Variants in SLAMF6 observed in about 807,000 individuals in gnomAD.
SLAMF6 encodes SLAM family member 6, also known as NK-T-B-antigen.
In SLAMF6, 21 loss-of-function variants were observed where a neutral mutation model predicts 38.3. That is an observed-to-expected ratio of 0.55 (90% CI 0.39 to 0.79). The LOEUF (loss-of-function observed/expected upper bound fraction) is 0.79. SLAMF6 is among the 30% of genes least tolerant of loss of function. The probability of loss-of-function intolerance (pLI) is 0.00; values close to 1 mark genes in which losing one functional copy is unlikely to be tolerated. For synonymous variants in SLAMF6, 152 were observed against 146.3 expected (o/e 1.04, Z -0.28); for missense variants, 341 against 385.3 (o/e 0.89, Z 0.96).
At chr1:160,492,087 T>G (rs75450773) in intron 2 of SLAMF6, among the ~76,000 whole-genome samples, 181 of 152,264 alleles carry the variant, frequency 1.2e-3, no homozygotes, top group African/African-American at 4.2e-3. Flanking sequence ...GCATGTGAGA[T>G]GACATGTGAT....
intron 1 of SLAMF6, among the ~76,000 whole-genome samples, chr1:160,514,502 G>A (rs1654644942): frequency 6.6e-6 from 1 of 152,118 alleles, no homozygotes; most frequent in South Asian, 2.1e-4. Flanking sequence ...AGATCAAGTG[G>A]ACCTGATAGA....
At chr1:160,487,011 T>TA in intron 7 of SLAMF6, 93 bp downstream of exon 7, 5 of 1,191,972 alleles carry the variant, frequency 4.2e-6, no homozygotes, top group Non-Finnish European at 6.1e-6. Flanking sequence ...TGTGCATCTG[T>TA]AAAATGACCC....
chr1:160,507,889 G>T (rs1654271082), intron 1 of SLAMF6, among the ~76,000 whole-genome samples: 1 of 152,040 alleles, frequency 6.6e-6, no homozygotes, highest in Non-Finnish European at 1.5e-5. Flanking sequence ...CAAAAGTAGT[G>T]CTCAGAGGGA....
At chr1:160,511,013 G>A (rs1195395026) in intron 1 of SLAMF6, among the ~76,000 whole-genome samples, 2 of 151,992 alleles carry the variant, frequency 1.3e-5, no homozygotes, top group Non-Finnish European at 2.9e-5. Context: ...AAAATACCTG[G>A]CAATAATTTA....
chr1:160,498,906 G>T (rs1403217121), intron 1 of SLAMF6, among the ~76,000 whole-genome samples: 1 of 151,910 alleles, frequency 6.6e-6, no homozygotes, highest in Admixed American at 6.6e-5. Flanking sequence ...TTTTTAATGG[G>T]GTTATTCGTC....
At chr1:160,521,896 A>G (rs1295269803) in intron 1 of SLAMF6, among the ~76,000 whole-genome samples, 1 of 151,964 alleles carries the variant, frequency 6.6e-6, no homozygotes, top group East Asian at 1.9e-4. Flanking sequence ...TTCCTACCCA[A>G]TACACTATTT....
chr1:160,513,078 G>A (rs918031373), intron 1 of SLAMF6, among the ~76,000 whole-genome samples: 4 of 152,176 alleles, frequency 2.6e-5, no homozygotes, highest in Non-Finnish European at 5.9e-5. Flanking sequence ...AGCTAAAGGA[G>A]TATGTTCTAA....
At chr1:160,497,170 G>A (rs1298392546) in intron 1 of SLAMF6, among the ~76,000 whole-genome samples, 1 of 152,042 alleles carries the variant, frequency 6.6e-6, no homozygotes, top group Non-Finnish European at 1.5e-5. Context: ...GATACATATA[G>A]AAATAATAAA....
chr1:160,507,826 A>G (rs962201639), intron 1 of SLAMF6, among the ~76,000 whole-genome samples: 6 of 152,176 alleles, frequency 3.9e-5, no homozygotes, highest in Non-Finnish European at 7.4e-5. Context: ...ATTAGGATAT[A>G]TCTTGACACC....
At chr1:160,501,262 A>G (rs1653875971) in intron 1 of SLAMF6, among the ~76,000 whole-genome samples, 1 of 152,200 alleles carries the variant, frequency 6.6e-6, no homozygotes, top group African/African-American at 2.4e-5. Flanking sequence ...CTCTGGGTCC[A>G]TCATCTGATA....
intron 1 of SLAMF6, among the ~76,000 whole-genome samples, chr1:160,501,307 G>A (rs1282332157): frequency 6.6e-6 from 1 of 152,188 alleles, no homozygotes; most frequent in Admixed American, 6.5e-5. Context: ...AGTTAGTTCT[G>A]ATGTGGTGGG....
intron 1 of SLAMF6, among the ~76,000 whole-genome samples, chr1:160,512,254 T>G (rs912159059): frequency 1.3e-5 from 2 of 152,166 alleles, no homozygotes; most frequent in Non-Finnish European, 1.5e-5. Flanking sequence ...GTGGCCAGAC[T>G]GCATCTTTAG....
intron 1 of SLAMF6, among the ~76,000 whole-genome samples, chr1:160,520,281 C>G (rs542383063): frequency 6.6e-6 from 1 of 152,250 alleles, no homozygotes; most frequent in South Asian, 2.1e-4. Flanking sequence ...AACCACTGCT[C>G]TCTCCTGGAC....
chr1:160,522,319 C>A (rs778640417), intron 1 of SLAMF6, among the ~76,000 whole-genome samples: 8 of 152,266 alleles, frequency 5.3e-5, no homozygotes, highest in Non-Finnish European at 1.0e-4. Flanking sequence ...GTGTACAGCA[C>A]CTGGCACAAT....
rs1199033075 is a variant in SLAMF6, at chr1:160,491,334, G to A, written c.437C>T (p.Thr146Ile). The A allele has an allele frequency of 6.2e-7, 1 of 1,613,912 alleles. No homozygotes were observed. The highest frequency in any genetic ancestry group is 1.1e-5 in the South Asian group (1 of 91,076). ...AGAGCAAGTCAGATGGAGCTCACAGGTCATATTCTGAAATAGCTGACTGTG... is the reference window on the plus strand; with the variant it reads ...AGAGCAAGTCAGATGGAGCTCACAGATCATATTCTGAAATAGCTGACTGTG... ...TNHSQLFQNMTCELHLTCSVE... is the reference protein window; with the variant it reads ...TNHSQLFQNMICELHLTCSVE... The change falls in exon 3 of 8, where the codon ACC becomes ATC. Residue 146 changes from threonine to isoleucine, a missense_variant. Thr to Ile is a moderately conservative substitution (Grantham distance 89). Coordinates refer to ENST00000368057, the MANE Select transcript of SLAMF6 (RefSeq NM_001184714.2).
chr1:160,500,204 A>G (rs560611260), intron 1 of SLAMF6, among the ~76,000 whole-genome samples: 24 of 152,360 alleles, frequency 1.6e-4, no homozygotes, highest in African/African-American at 5.0e-4. Flanking sequence ...TAAGATTCGT[A>G]TAGTTTTTCT....
chr1:160,504,755 A>G (rs969607593), intron 1 of SLAMF6, among the ~76,000 whole-genome samples: 8 of 152,230 alleles, frequency 5.3e-5, no homozygotes, highest in Non-Finnish European at 1.2e-4. Context: ...AGATATGTCG[A>G]ATGCCTGGGA....
At chr1:160,519,488 A>T (rs1465499886) in intron 1 of SLAMF6, among the ~76,000 whole-genome samples, 1 of 152,234 alleles carries the variant, frequency 6.6e-6, no homozygotes, top group Admixed American at 6.5e-5. Flanking sequence ...ACAGGTAGTC[A>T]AATACTTGTA....
At chr1:160,512,663 C>T (rs1398388871) in intron 1 of SLAMF6, among the ~76,000 whole-genome samples, 1 of 152,172 alleles carries the variant, frequency 6.6e-6, no homozygotes, top group Admixed American at 6.5e-5. Context: ...AAGCAGGCAG[C>T]CATCTTTGCG....
Sources: allele counts gnomAD v4.1 joint callset (sites outside exome capture counted in the v4.1 genomes callset), GRCh38; gene constraint gnomAD v4.1.1; transcripts MANE v1.5; gene names NCBI Gene and HGNC (gene_info 2026-07-23, HGNC 2026-07-21).